Variants in FOXP1 observed in about 807,000 individuals in gnomAD.
FOXP1 encodes forkhead box protein P1.
A neutral mutation model predicts 98.2 loss-of-function variants in FOXP1; 15 were observed. The observed-to-expected ratio is 0.15, with a 90% confidence interval of 0.10 to 0.24. The LOEUF (loss-of-function observed/expected upper bound fraction) is 0.24. Ranked by LOEUF, FOXP1 falls within the 10% of genes least tolerant of loss-of-function variation. The probability of loss-of-function intolerance (pLI) is 1.00; values close to 1 mark genes in which losing one functional copy is unlikely to be tolerated. For missense variants in FOXP1, 633 were observed against 848.5 expected (o/e 0.75, Z 3.15); for synonymous variants, 371 against 314.5 (o/e 1.18, Z -1.90).
chr3:70,976,661 C>T (rs536945604), intron 17 of FOXP1, among the ~76,000 whole-genome samples: 5 of 152,254 alleles, frequency 3.3e-5, no homozygotes, highest in South Asian at 4.2e-4. Context: ...TTCTGGGCGA[C>T]GGTGTTGTCT....
At chr3:71,201,006 A>C (rs539045960) in intron 5 of FOXP1, among the ~76,000 whole-genome samples, 29 of 152,354 alleles carry the variant, frequency 1.9e-4, no homozygotes, top group Middle Eastern at 6.8e-3. Context: ...TGGATTGAGA[A>C]TGGCATTTTT....
intron 3 of FOXP1, among the ~76,000 whole-genome samples, chr3:71,363,362 A>T (rs1206285023): frequency 6.6e-6 from 1 of 152,224 alleles, no homozygotes; most frequent in African/African-American, 2.4e-5. Flanking sequence ...GTACACGTAG[A>T]TCACTTTGGG....
chr3:71,452,594 G>C (rs1577592305), intron 3 of FOXP1, among the ~76,000 whole-genome samples: 1 of 152,132 alleles, frequency 6.6e-6, no homozygotes, highest in Non-Finnish European at 1.5e-5. Context: ...ATATTTGAGA[G>C]GGTTGAACTT....
intron 4 of FOXP1, among the ~76,000 whole-genome samples, chr3:71,302,567 A>G (rs1308331112): frequency 6.7e-6 from 1 of 149,878 alleles, no homozygotes; most frequent in Non-Finnish European, 1.5e-5. Context: ...CCTCCAGCCC[A>G]CTTGTCTTCT....
At chr3:71,101,004 G>A (rs1274724603) in intron 7 of FOXP1, among the ~76,000 whole-genome samples, 1 of 152,112 alleles carries the variant, frequency 6.6e-6, no homozygotes. Flanking sequence ...GAGGGGAGGG[G>A]GTGACGGGTT....
intron 4 of FOXP1, among the ~76,000 whole-genome samples, chr3:71,336,565 G>A (rs1296109447): frequency 6.6e-6 from 1 of 152,228 alleles, no homozygotes; most frequent in South Asian, 2.1e-4. Context: ...TTAGTAAATA[G>A]AGGGAAAGAA....
At chr3:70,998,924 A>G (rs2041755794) in intron 13 of FOXP1, among the ~76,000 whole-genome samples, 1 of 152,168 alleles carries the variant, frequency 6.6e-6, no homozygotes, top group Non-Finnish European at 1.5e-5. Flanking sequence ...GAACACTCTA[A>G]TCTGTAGTCT....
rs1167328386 is a variant in FOXP1, at chr3:71,454,806, C to CA, written c.-168+38619dup. 4.7e-3 allele frequency among the ~76,000 whole-genome samples: 311 copies of CA among 66,842 alleles called. 2 individuals carry two copies. The highest frequency in any genetic ancestry group is 0.011 in the African/African-American group (256 of 23,148). 43.9% of individuals were successfully genotyped at this position (66,842 alleles called of 152,430 possible). A position where few individuals can be genotyped will look rare whatever the true frequency, so the allele number is the denominator to read the frequency against. On this transcript the variant is annotated intron_variant, in intron 3 of 20. Transcript: ENST00000649528. ...AACTTGTTTTCTTTAAAAAAAAAAA[C>CA]AAAAAAAAAACTGCTTTCTGAGCGC... is the stretch of plus-strand genomic sequence containing the variant.
chr3:71,034,328 G>C (rs1434533520), intron 11 of FOXP1, among the ~76,000 whole-genome samples: 1 of 152,066 alleles, frequency 6.6e-6, no homozygotes, highest in East Asian at 1.9e-4. Context: ...AAGGTGGTCT[G>C]GGGAGCAGCC....
intron 11 of FOXP1, among the ~76,000 whole-genome samples, chr3:71,022,980 C>T (rs1335921510): frequency 6.6e-6 from 1 of 152,052 alleles, no homozygotes; most frequent in East Asian, 1.9e-4. Context: ...GTTGCTATTC[C>T]CCTCTCACTC....
chr3:71,262,322 T>C (rs2069239587), intron 5 of FOXP1, among the ~76,000 whole-genome samples: 1 of 100,100 alleles, frequency 1.0e-5, no homozygotes, highest in African/African-American at 3.7e-5. Flanking sequence ...CCCTACTACA[T>C]ACCAGACACT....
intron 2 of FOXP1, among the ~76,000 whole-genome samples, chr3:71,540,590 T>A (rs1209868365): frequency 1.3e-5 from 2 of 152,232 alleles, no homozygotes; most frequent in Non-Finnish European, 2.9e-5. Flanking sequence ...GTACATAATC[T>A]CATTAACTTC....
At chr3:71,288,151 A>G (rs1390682557) in intron 5 of FOXP1, among the ~76,000 whole-genome samples, 1 of 152,172 alleles carries the variant, frequency 6.6e-6, no homozygotes, top group African/African-American at 2.4e-5. Flanking sequence ...AAGTGCTGGG[A>G]TTACAGGTGT....
intron 6 of FOXP1, among the ~76,000 whole-genome samples, chr3:71,151,190 A>G (rs1420415544): frequency 1.3e-5 from 2 of 152,238 alleles, no homozygotes; most frequent in Non-Finnish European, 2.9e-5. Context: ...ACCTGGGAGC[A>G]CAGACTTATT....
At chr3:71,016,212 A>C (rs1416122389) in intron 11 of FOXP1, among the ~76,000 whole-genome samples, 1 of 152,124 alleles carries the variant, frequency 6.6e-6, no homozygotes, top group Non-Finnish European at 1.5e-5. Context: ...GTTTTTTTTA[A>C]AAAAGCTAAT....
At chr3:71,373,762 G>A (rs1289512805) in intron 3 of FOXP1, among the ~76,000 whole-genome samples, 1 of 152,272 alleles carries the variant, frequency 6.6e-6, no homozygotes, top group South Asian at 2.1e-4. Flanking sequence ...GCCTATGAAT[G>A]TTTCTGGACA....
intron 5 of FOXP1, among the ~76,000 whole-genome samples, chr3:71,218,291 A>G (rs1303787936): frequency 1.3e-5 from 2 of 152,236 alleles, no homozygotes; most frequent in South Asian, 2.1e-4. Context: ...GGTAACTCCA[A>G]TGAGTTTCCA....
intron 3 of FOXP1, among the ~76,000 whole-genome samples, chr3:71,388,670 GGAA>G (rs2108103694): frequency 1.3e-5 from 2 of 151,926 alleles, no homozygotes; most frequent in South Asian, 2.1e-4. Context: ...GGAGAAAAAG[GGAA>G]GAAGAAAAAA....
Position 71,179,134 on chromosome 3 carries a change from C to CTTTTT in FOXP1, c.180+19063_180+19067dup, listed in dbSNP as rs34816512. Among the ~76,000 whole-genome samples the CTTTTT allele has an allele frequency of 4.0e-4, 50 of 124,802 alleles. 1 individual carries two copies. The highest frequency in any genetic ancestry group is 8.7e-4 in the African/African-American group (28 of 32,358). The allele number at this position is 124,802 out of a possible 152,430, so 81.9% of individuals were successfully genotyped here. A position where few individuals can be genotyped will look rare whatever the true frequency, so the allele number is the denominator to read the frequency against. The stretch of plus-strand genomic sequence containing the variant: ...ATGTTGGAAGTTTCCTCTTAACAAT[C>CTTTTT]TTTTTTTTTTTTTTTTTTGAGACGG... On this transcript the variant is annotated intron_variant, in intron 6 of 20. Coordinates refer to ENST00000649528, the MANE Select transcript of FOXP1 (RefSeq NM_001349338.3).
Sources: allele counts gnomAD v4.1 joint callset (sites outside exome capture counted in the v4.1 genomes callset), GRCh38; gene constraint gnomAD v4.1.1; transcripts MANE v1.5; gene names NCBI Gene and HGNC (gene_info 2026-07-23, HGNC 2026-07-21).